Variants in GRID2 observed in about 807,000 individuals in gnomAD.
GRID2 encodes the protein glutamate ionotropic receptor delta type subunit 2, also known as glutamate receptor ionotropic, delta-2.
Under a neutral mutation model 114.8 loss-of-function variants are expected in GRID2, and 33 were observed. The ratio of observed to expected loss-of-function variants is 0.29; its 90% CI spans 0.22 to 0.38. The LOEUF (loss-of-function observed/expected upper bound fraction) is 0.38. Ranked by LOEUF, GRID2 falls within the 10% of genes least tolerant of loss-of-function variation. The pLI, the probability that GRID2 is intolerant of heterozygous loss-of-function variation, is 1.00. For missense variants in GRID2, 1,184 were observed against 1,257.7 expected (o/e 0.94, Z 0.89); for synonymous variants, 505 against 449.9 (o/e 1.12, Z -1.55).
chr4:93,231,176 C>T (rs1013338676), intron 7 of GRID2, among the ~76,000 whole-genome samples: 12 of 151,928 alleles, frequency 7.9e-5, no homozygotes, highest in African/African-American at 2.2e-4. Flanking sequence ...CATTGCAACA[C>T]GAGTAGCCTG....
intron 8 of GRID2, among the ~76,000 whole-genome samples, chr4:93,276,793 C>CT (rs1339623337): frequency 1.3e-5 from 2 of 151,680 alleles, no homozygotes; most frequent in African/African-American, 2.4e-5. Flanking sequence ...AAGCAGATAC[C>CT]TTTTTTTATA....
At chr4:93,633,539 C>A (rs1464709180) in intron 14 of GRID2, among the ~76,000 whole-genome samples, 2 of 152,068 alleles carry the variant, frequency 1.3e-5, no homozygotes, top group Non-Finnish European at 2.9e-5. Flanking sequence ...AATAAAAGAT[C>A]TACTTAACTT....
At chr4:92,575,712 T>C (rs560067263) in intron 1 of GRID2, among the ~76,000 whole-genome samples, 1 of 152,262 alleles carries the variant, frequency 6.6e-6, no homozygotes, top group South Asian at 2.1e-4. Context: ...AACCCTCCTG[T>C]AGGAGGTGGC....
intron 1 of GRID2, among the ~76,000 whole-genome samples, chr4:92,439,044 G>A (rs574712515): frequency 2.6e-5 from 4 of 152,150 alleles, no homozygotes; most frequent in South Asian, 2.1e-4. Flanking sequence ...GGCTGAGTCC[G>A]AAAAGAGAGT....
At chr4:93,012,735 G>T (rs1257999955) in intron 2 of GRID2, among the ~76,000 whole-genome samples, 2 of 151,936 alleles carry the variant, frequency 1.3e-5, no homozygotes, top group Admixed American at 1.3e-4. Context: ...AGAACTGAAT[G>T]AAATTGCCTT....
intron 2 of GRID2, among the ~76,000 whole-genome samples, chr4:92,881,976 T>C (rs1308135963): frequency 6.6e-6 from 1 of 152,178 alleles, no homozygotes; most frequent in Admixed American, 6.5e-5. Context: ...TACCTTTCAA[T>C]TTTCATTATG....
intron 13 of GRID2, among the ~76,000 whole-genome samples, chr4:93,609,178 ATTTG>A (rs1188422111): frequency 9.6e-6 from 1 of 104,426 alleles, no homozygotes; most frequent in East Asian, 2.2e-4. Flanking sequence ...TTTCTTGTAA[ATTTG>A]TTTGAGTTCA....
At chr4:92,872,854 G>A (rs1418038125) in intron 2 of GRID2, among the ~76,000 whole-genome samples, 2 of 152,198 alleles carry the variant, frequency 1.3e-5, no homozygotes, top group African/African-American at 2.4e-5. Flanking sequence ...CTAAGGGCAG[G>A]ATTTATGGTC....
At chr4:92,997,921 A>G (rs1297325405) in intron 2 of GRID2, among the ~76,000 whole-genome samples, 1 of 152,128 alleles carries the variant, frequency 6.6e-6, no homozygotes, top group African/African-American at 2.4e-5. Context: ...TATTACTCAC[A>G]TATCGTGAAT....
intron 14 of GRID2, among the ~76,000 whole-genome samples, chr4:93,709,866 T>C (rs74349069): frequency 0.042 from 6,399 of 152,274 alleles, 213 homozygotes; most frequent in African/African-American, 0.084. Flanking sequence ...GAGACTGATG[T>C]GTGTCAGTAT....
chr4:93,051,681 T>C (rs1726731038), intron 2 of GRID2, among the ~76,000 whole-genome samples: 1 of 152,022 alleles, frequency 6.6e-6, no homozygotes, highest in Non-Finnish European at 1.5e-5. Context: ...ACTTAATGAA[T>C]CTGGAATTAT....
At chr4:92,717,050 G>T (rs1735585694) in intron 2 of GRID2, among the ~76,000 whole-genome samples, 1 of 152,092 alleles carries the variant, frequency 6.6e-6, no homozygotes, top group African/African-American at 2.4e-5. Context: ...TTGCAGCATT[G>T]GTACCCAGCA....
At chr4:93,500,787 C>G (rs1728018726) in intron 12 of GRID2, among the ~76,000 whole-genome samples, 1 of 151,922 alleles carries the variant, frequency 6.6e-6, no homozygotes, top group African/African-American at 2.4e-5. Context: ...TGGCAAGACC[C>G]CTGGGTCAGG....
intron 2 of GRID2, among the ~76,000 whole-genome samples, chr4:92,972,122 C>A (rs1161536693): frequency 6.6e-6 from 1 of 151,562 alleles, no homozygotes; most frequent in Non-Finnish European, 1.5e-5. Flanking sequence ...AACTTCCATA[C>A]TGTTCTCCAT....
intron 1 of GRID2, among the ~76,000 whole-genome samples, chr4:92,327,526 CTTAG>C (rs1393143971): frequency 6.6e-6 from 1 of 151,880 alleles, no homozygotes; most frequent in Non-Finnish European, 1.5e-5. Context: ...GATAAGAGTG[CTTAG>C]TTAGCCATGA....
intron 1 of GRID2, among the ~76,000 whole-genome samples, chr4:92,476,743 T>C (rs955661572): frequency 1.3e-5 from 2 of 152,190 alleles, no homozygotes; most frequent in Non-Finnish European, 2.9e-5. Flanking sequence ...AGATTACATA[T>C]ATTGCATAAT....
intron 14 of GRID2, among the ~76,000 whole-genome samples, chr4:93,729,890 C>T (rs1272783052): frequency 6.6e-6 from 1 of 152,186 alleles, no homozygotes; most frequent in African/African-American, 2.4e-5. Context: ...TCAGCTTCAG[C>T]ATCTATCTCT....
chr4:92,694,747 C>T (rs1411501828), intron 2 of GRID2, among the ~76,000 whole-genome samples: 5 of 152,096 alleles, frequency 3.3e-5, no homozygotes, highest in Non-Finnish European at 5.9e-5. Context: ...ATATGTGAAA[C>T]TTGTGCATAT....
At chr4:93,567,943 A>C (rs1402261180) in intron 13 of GRID2, among the ~76,000 whole-genome samples, 1 of 152,240 alleles carries the variant, frequency 6.6e-6, no homozygotes, top group Non-Finnish European at 1.5e-5. Context: ...TACAGTATTC[A>C]CAACAGACTG....
Sources: allele counts gnomAD v4.1 joint callset (sites outside exome capture counted in the v4.1 genomes callset), GRCh38; gene constraint gnomAD v4.1.1; transcripts MANE v1.5; gene names NCBI Gene and HGNC (gene_info 2026-07-23, HGNC 2026-07-21).